The following PPP1R13L variants were observed in gnomAD, a reference collection of about 807,000 sequenced individuals.
The protein encoded by PPP1R13L is protein phosphatase 1 regulatory subunit 13 like, also known as relA-associated inhibitor.
Under a neutral mutation model 80.9 loss-of-function variants are expected in PPP1R13L, and 50 were observed. That is an observed-to-expected ratio of 0.62 (90% CI 0.49 to 0.78). The LOEUF is 0.78. Ranked by LOEUF, PPP1R13L falls within the 30% of genes least tolerant of loss-of-function variation. PPP1R13L has a pLI of 0.00. For missense variants in PPP1R13L, 1,200 were observed against 1,205.9 expected, an observed-to-expected ratio of 1.00 and a Z score of 0.07; for synonymous variants, 602 against 534.3, an observed-to-expected ratio of 1.13 and a Z score of -1.75.
In PPP1R13L at chr19:45,396,184, A is replaced by T. The variant is rs1319617763; in HGVS notation, c.887T>A (p.Leu296Gln). Residue 296 changes from leucine (L) to glutamine (Q), a missense_variant, in exon 6 of 13, where the codon CTG (leucine) becomes CAG (glutamine). By Grantham distance (113) the Leu-to-Gln change is moderately radical. This residue lies in a region of PPP1R13L where 764 missense variants were observed against 714.5 expected (regional missense o/e 1.07). Transcript: ENST00000360957. The surrounding 1 kb of genome is among the most constrained non-coding windows in gnomAD (Gnocchi z 5.3). ...CCTCCTCACCTTGCCGGTGCCCCCCAGTCCATCCAGGCTGCTCTCCCTCCA... is the reference window on the plus strand; with the variant it reads ...CCTCCTCACCTTGCCGGTGCCCCCCTGTCCATCCAGGCTGCTCTCCCTCCA... The part of the protein sequence containing the change: ...LPWRESSLDG[L>Q]GGTGKDNLTS... The T allele has an allele frequency of 1.2e-6, 2 of 1,608,796 alleles. No individual in the cohort carries two copies. Among genetic ancestry groups the T allele is most frequent in the African/African-American group, 2.7e-5 (2 of 74,510 alleles).
intron 6 of PPP1R13L, 25 bp from the exon 7 acceptor site, chr19:45,395,911 G>C (rs749122706): frequency 7.8e-6 from 12 of 1,545,966 alleles, no homozygotes; most frequent in Non-Finnish European, 1.1e-5. Flanking sequence ...AGGGAGAAGG[G>C]GATCGGGTGA....
chr19:45,391,843 T>C (rs1972978144), intron 8 of PPP1R13L, 37 bp downstream of exon 8: 9 of 1,411,354 alleles, frequency 6.4e-6, no homozygotes, highest in Non-Finnish European at 8.4e-6. Flanking sequence ...TGGATTCATG[T>C]AGCAAACATA....
rs567208590 is a variant in PPP1R13L at position 45,399,961 on chromosome 19, T to G, written c.-21-1622A>C. Among the ~76,000 whole-genome samples, 9 of 151,016 alleles carry G rather than the reference T, an allele frequency of 6.0e-5. No homozygotes were observed. The South Asian group carries it at 1.1e-3, about 18-fold the overall frequency. On this transcript the variant is annotated intron_variant, in intron 1 of 12. Coordinates refer to ENST00000360957, the MANE Select transcript of PPP1R13L (RefSeq NM_006663.4). ...GAGGCTCTATTTAAAAAAAAAAAAA[T>G]TAATTGAGGGGCCACTCCCTTCTAG...
At chr19:45,395,230 G>A in intron 7 of PPP1R13L, 1 of 655,352 alleles carries the variant, frequency 1.5e-6, no homozygotes, top group East Asian at 2.9e-5. Context: ...GAACCAGGCA[G>A]TCTGGCTTCA....
chr19:45,395,226 G>C, intron 7 of PPP1R13L: 1 of 640,916 alleles, frequency 1.6e-6, no homozygotes, highest in Middle Eastern at 2.5e-4. Context: ...CGTGGAACCA[G>C]GCAGTCTGGC....
intron 11 of PPP1R13L, 45 bp downstream of exon 11, chr19:45,385,517 T>A: frequency 6.4e-7 from 1 of 1,561,534 alleles, no homozygotes; most frequent in Non-Finnish European, 8.7e-7. Flanking sequence ...TCCCCGCTCC[T>A]GCGCACCCGC....
chr19:45,399,431 T>C (rs1209939361), intron 1 of PPP1R13L, among the ~76,000 whole-genome samples: 1 of 146,652 alleles, frequency 6.8e-6, no homozygotes, highest in Non-Finnish European at 1.5e-5. Context: ...GAGACCATCC[T>C]GGCTAACATG....
chr19:45,396,980 C>A lies in PPP1R13L; in HGVS notation c.277G>T (p.Ala93Ser), dbSNP rs1296944730. ...GSPRKAATDG[A>S]DTPFGRSESA... is the part of the protein sequence containing the mutation. Reference sequence around the variant, plus strand: ...TCTGATCGTCCGAACGGGGTGTCTGCGCCGTCGGTGGCCGCCTTCCGGGGG... The same window carrying A: ...TCTGATCGTCCGAACGGGGTGTCTGAGCCGTCGGTGGCCGCCTTCCGGGGG... Residue 93 changes from alanine to serine, a missense_variant, in exon 4 of 13, where the codon GCA (alanine) becomes TCA (serine). By Grantham distance (99) the Ala-to-Ser change is moderately conservative. Coordinates refer to ENST00000360957, the MANE Select transcript of PPP1R13L (RefSeq NM_006663.4). The surrounding 1 kb of genome is among the most constrained non-coding windows in gnomAD (Gnocchi z 5.3). The A allele has an allele frequency of 7.2e-7, 1 of 1,384,670 alleles. No individual in the cohort carries two copies. Among genetic ancestry groups the A allele is most frequent in the Non-Finnish European group, 9.4e-7 (1 of 1,068,738 alleles). The allele number at this position is 1,384,670 out of a possible 1,614,324, so 85.8% of individuals were successfully genotyped here.
chr19:45,386,237 T>C (rs1488145968), intron 8 of PPP1R13L, 57 bp from the exon 9 acceptor site: 8 of 1,442,134 alleles, frequency 5.5e-6, no homozygotes, highest in Non-Finnish European at 7.2e-6. Context: ...ATATCCATGA[T>C]CTAGAGTAGG....
chr19:45,383,834 T>C (rs767642143), intron 11 of PPP1R13L, among the ~76,000 whole-genome samples: 15 of 152,088 alleles, frequency 9.9e-5, no homozygotes, highest in Non-Finnish European at 2.1e-4. Flanking sequence ...CGATTTCGGC[T>C]CACTGCAACC....
Position 45,382,588 on chromosome 19 carries a change from G to A in PPP1R13L, c.2387C>T (p.Thr796Ile). 1 of 1,613,536 alleles carries A rather than the reference G, an allele frequency of 6.2e-7. No individual in the cohort carries two copies. Among genetic ancestry groups the A allele is most frequent in the Non-Finnish European group, 8.5e-7 (1 of 1,179,962 alleles). ...GTGCAGCGCGGCCCACCACCAGTCGGTCTCCTCCGGCCCGTCCCTCCGCAG... is the reference window on the plus strand; with the variant it reads ...GTGCAGCGCGGCCCACCACCAGTCGATCTCCTCCGGCCCGTCCCTCCGCAG... ...TVLRRDGPEE[T>I]DWWWAALHGQ... Residue 796 changes from threonine (T) to isoleucine (I), a missense_variant, in exon 12 of 13, where the codon ACC (threonine) becomes ATC (isoleucine). Physicochemically the swap from Thr to Ile is moderately conservative, Grantham distance 89. Transcript: ENST00000360957.
At chr19:45,403,609 G>C (rs1973272460) in intron 1 of PPP1R13L, among the ~76,000 whole-genome samples, 1 of 152,114 alleles carries the variant, frequency 6.6e-6, no homozygotes, top group Non-Finnish European at 1.5e-5. Context: ...TATTCAAAGG[G>C]AGACCTCTCA....
In PPP1R13L at chr19:45,400,998, G is replaced by A. The variant is rs1184403325; in HGVS notation, c.-21-2659C>T. On this transcript the variant is annotated intron_variant, in intron 1 of 12. Transcript: ENST00000360957. Reference sequence around the variant, plus strand: ...TCACCATTTTAGCCGGGATGGTCTCGATCTCCTGACCTCATGATCCGCCCG... The same window carrying A: ...TCACCATTTTAGCCGGGATGGTCTCAATCTCCTGACCTCATGATCCGCCCG... Among the ~76,000 whole-genome samples, 3 of 38,262 alleles carry A rather than the reference G, an allele frequency of 7.8e-5. 1 individual carries two copies. The highest frequency in any genetic ancestry group is 1.1e-3 in the South Asian group (1 of 942). The allele number at this position is 38,262 out of a possible 152,430, so 25.1% of individuals were successfully genotyped here.
intron 7 of PPP1R13L, chr19:45,392,860 G>A: frequency 5.0e-6 from 1 of 199,072 alleles, no homozygotes; most frequent in South Asian, 7.8e-5. Context: ...AGTAAAGCAG[G>A]TGGAAATAAA....
At chr19:45,401,311 C>T (rs1479487261) in intron 1 of PPP1R13L, among the ~76,000 whole-genome samples, 5 of 149,296 alleles carry the variant, frequency 3.3e-5, no homozygotes, top group Admixed American at 2.0e-4. Flanking sequence ...GCCGAGATCG[C>T]GCCACTGCAC....
chr19:45,398,217 CT>C, intron 2 of PPP1R13L, 46 bp downstream of exon 2: 1 of 1,613,154 alleles, frequency 6.2e-7, no homozygotes, highest in Non-Finnish European at 8.5e-7. Context: ...CCCTCGCCCG[CT>C]GCCGAGGTCC....
chr19:45,388,099 G>A (rs147651400), intron 8 of PPP1R13L, among the ~76,000 whole-genome samples: 282 of 151,938 alleles, frequency 1.9e-3, no homozygotes, highest in African/African-American at 6.5e-3. Flanking sequence ...AACCCAGGAG[G>A]CACAGTTATA....
chr19:45,404,780 G>A (rs1211158344), intron 1 of PPP1R13L, among the ~76,000 whole-genome samples: 1 of 152,184 alleles, frequency 6.6e-6, no homozygotes, highest in Non-Finnish European at 1.5e-5. Context: ...TCCCCGGGAT[G>A]AAGGGGTAGA....
Position 45,396,564 on chromosome 19 carries a change from G to T in PPP1R13L, c.693C>A (p.Ala231=). 6.6e-7 allele frequency: 1 copy of T among 1,519,594 alleles called. No individual in the cohort carries two copies. The highest frequency in any genetic ancestry group is 8.8e-7 in the Non-Finnish European group (1 of 1,141,150). The allele number at this position is 1,519,594 out of a possible 1,614,324, so 94.1% of individuals were successfully genotyped here. ...GTTCACCTTGCGCGCGCAGAGGCGG[G>T]GCGAATGCGCTGCCGCCGGAGCCTA... ...SLLGSGGSAF[A]PPLRAQDDLT... The change falls in exon 4 of 13, where the codon GCC becomes GCA. Residue 231 remains alanine (A), a synonymous_variant. Transcript: ENST00000360957. This position sits in a 1 kb window ranked among gnomAD's most constrained non-coding sequence, Gnocchi z 5.3.
Sources: gnomAD v4.1 joint callset for allele counts (sites outside exome capture counted in the v4.1 genomes callset) on GRCh38, gnomAD v4.1.1 for gene constraint, gnomAD v4.1.1 regional missense constraint, Gnocchi (gnomAD v3.1) non-coding constraint, MANE v1.5 for transcripts, NCBI Gene and HGNC (gene_info 2026-07-23, HGNC 2026-07-21) for gene names.